Variants in SMPD3 observed in about 807,000 individuals in gnomAD.
SMPD3 encodes nSMase-2.
SMPD3 carries 21 observed loss-of-function variants against 55.7 expected under a neutral mutation model. The observed-to-expected ratio is 0.38, with a 90% CI of 0.27 to 0.54. SMPD3 has a LOEUF of 0.54. Ranked by LOEUF, SMPD3 falls within the 20% of genes least tolerant of loss-of-function variation. The probability of loss-of-function intolerance (pLI) is 0.80; values close to 1 mark genes in which losing one functional copy is unlikely to be tolerated. For missense variants in SMPD3, 842 were observed against 899.6 expected (o/e 0.94, Z 0.82); for synonymous variants, 457 against 404.3 (o/e 1.13, Z -1.56).
chr16:68,395,691 C>T (rs2090149998), intron 1 of SMPD3, among the ~76,000 whole-genome samples: 1 of 152,052 alleles, frequency 6.6e-6, no homozygotes, highest in Admixed American at 6.5e-5. Flanking sequence ...AATTTCATCC[C>T]GGTGCCTAAA....
At chr16:68,386,397 A>G (rs1399425953) in intron 2 of SMPD3, among the ~76,000 whole-genome samples, 1 of 152,064 alleles carries the variant, frequency 6.6e-6, no homozygotes, top group Non-Finnish European at 1.5e-5. Context: ...CAGGTTCAGG[A>G]TGGGACCCAG....
intron 1 of SMPD3, among the ~76,000 whole-genome samples, chr16:68,426,728 CCTGA>C (rs1414976580): frequency 6.6e-6 from 1 of 152,174 alleles, no homozygotes; most frequent in Non-Finnish European, 1.5e-5. Flanking sequence ...ATTTTCCAAC[CCTGA>C]CTGTGTGTAC....
chr16:68,373,253 C>A (rs1230595643), intron 2 of SMPD3, among the ~76,000 whole-genome samples: 1 of 152,238 alleles, frequency 6.6e-6, no homozygotes, highest in African/African-American at 2.4e-5. Context: ...CACCCTGGGT[C>A]CCCTGTGGGA....
At chr16:68,429,856 C>G (rs145194103) in intron 1 of SMPD3, among the ~76,000 whole-genome samples, 8 of 152,266 alleles carry the variant, frequency 5.3e-5, no homozygotes, top group Non-Finnish European at 1.2e-4. Context: ...TTACAATTCC[C>G]AGGATGGCTT....
At chr16:68,396,370 C>T (rs2090157364) in intron 1 of SMPD3, among the ~76,000 whole-genome samples, 1 of 152,192 alleles carries the variant, frequency 6.6e-6, no homozygotes, top group South Asian at 2.1e-4. Context: ...CGTTTCTGCC[C>T]CTCTTTCTCC....
In SMPD3 at chr16:68,371,441, G is replaced by A. The variant is rs756860642; in HGVS notation, c.741C>T (p.Ile247=). The A allele has an allele frequency of 1.4e-5, 22 of 1,584,896 alleles. No individual in the cohort carries two copies. The highest frequency in any genetic ancestry group is 3.5e-5 in the Admixed American group (2 of 57,070). The change falls in exon 3 of 9, where the codon ATC becomes ATT. Residue 247 remains isoleucine, a synonymous_variant. Transcript: ENST00000219334. The part of the protein sequence containing the change: ...SSPEDACIVR[I]GGEEGGRPPE... ...GTGGCCGGCCGCCCTCCTCGCCACC[G>A]ATGCGCACGATGCAGGCATCCTCCG...
At chr16:68,381,282 G>T (rs1161277943) in intron 2 of SMPD3, among the ~76,000 whole-genome samples, 1 of 152,182 alleles carries the variant, frequency 6.6e-6, no homozygotes, top group Non-Finnish European at 1.5e-5. Context: ...ACGGCACCAT[G>T]AAAGCCCTTG....
At chr16:68,431,847 G>C (rs374067585) in intron 1 of SMPD3, among the ~76,000 whole-genome samples, 6 of 152,158 alleles carry the variant, frequency 3.9e-5, no homozygotes, top group African/African-American at 1.4e-4. Flanking sequence ...ACTTGAACCC[G>C]GCAGGTGGAG....
At chr16:68,405,545 C>CAAAAAAAA (rs67518521) in intron 1 of SMPD3, among the ~76,000 whole-genome samples, 4 of 72,982 alleles carry the variant, frequency 5.5e-5, no homozygotes, top group Admixed American at 3.2e-4. Flanking sequence ...GACCCTGTCT[C>CAAAAAAAA]AAAAAAAAAA....
intron 1 of SMPD3, among the ~76,000 whole-genome samples, chr16:68,433,717 G>A (rs139731953): frequency 8.7e-4 from 132 of 152,340 alleles, no homozygotes; most frequent in Non-Finnish European, 1.6e-3. Context: ...CTGGACGAGC[G>A]AAGAAGCCCA....
intron 2 of SMPD3, among the ~76,000 whole-genome samples, chr16:68,385,475 T>G (rs2090037034): frequency 6.6e-6 from 1 of 152,104 alleles, no homozygotes; most frequent in African/African-American, 2.4e-5. Flanking sequence ...CCACCCCCAC[T>G]GAGCCATTGG....
chr16:68,384,469 T>C (rs1329896536), intron 2 of SMPD3, among the ~76,000 whole-genome samples: 1 of 152,202 alleles, frequency 6.6e-6, no homozygotes, highest in East Asian at 1.9e-4. Context: ...CAGCCCCTGA[T>C]AGATCTGACA....
At chr16:68,412,731 T>C (rs1004798232) in intron 1 of SMPD3, among the ~76,000 whole-genome samples, 6 of 152,224 alleles carry the variant, frequency 3.9e-5, no homozygotes, top group African/African-American at 9.6e-5. Context: ...CCACTCAAGA[T>C]AGACATTCTG....
chr16:68,394,290 A>G (rs559561880), intron 1 of SMPD3, among the ~76,000 whole-genome samples: 1 of 152,194 alleles, frequency 6.6e-6, no homozygotes, highest in African/African-American at 2.4e-5. Flanking sequence ...TTCTTTGTCT[A>G]CATTTTAGGT....
At chr16:68,363,951 C>A in intron 5 of SMPD3, 85 bp from the exon 6 acceptor site, 1 of 1,256,330 alleles carries the variant, frequency 8.0e-7, no homozygotes. Flanking sequence ...ATCAGTTACT[C>A]CCCATGTGCT....
intron 2 of SMPD3, among the ~76,000 whole-genome samples, chr16:68,384,589 CTGTGGGT>C (rs1449580463): frequency 6.6e-6 from 1 of 152,168 alleles, no homozygotes; most frequent in Non-Finnish European, 1.5e-5. Context: ...GTGTGTGACT[CTGTGGGT>C]TGTCTCTGCA....
chr16:68,439,701 A>G (rs2090551565), intron 1 of SMPD3, among the ~76,000 whole-genome samples: 1 of 152,204 alleles, frequency 6.6e-6, no homozygotes, highest in African/African-American at 2.4e-5. Flanking sequence ...TGAGCTTAAT[A>G]CATATTTCTT....
intron 1 of SMPD3, among the ~76,000 whole-genome samples, chr16:68,396,552 C>T (rs1412941510): frequency 6.6e-6 from 1 of 152,218 alleles, no homozygotes; most frequent in African/African-American, 2.4e-5. Flanking sequence ...CAACCCCCTC[C>T]CCTCAGTCTC....
chr16:68,420,636 C>T (rs1340971146), intron 1 of SMPD3, among the ~76,000 whole-genome samples: 1 of 152,228 alleles, frequency 6.6e-6, no homozygotes, highest in Non-Finnish European at 1.5e-5. Flanking sequence ...GCTTTTGAAC[C>T]AGCTGATCAG....
Sources: gnomAD v4.1 joint callset for allele counts (sites outside exome capture counted in the v4.1 genomes callset) on GRCh38, gnomAD v4.1.1 for gene constraint, MANE v1.5 for transcripts, NCBI Gene and HGNC (gene_info 2026-07-23, HGNC 2026-07-21) for gene names.